Variants in NCALD observed in about 807,000 individuals in gnomAD.
The protein encoded by NCALD is neurocalcin delta, also known as neurocalcin-delta.
A neutral mutation model predicts 18.6 loss-of-function variants in NCALD; 10 were observed. The ratio of observed to expected loss-of-function variants is 0.54; its 90% confidence interval spans 0.33 to 0.91. NCALD has a LOEUF of 0.91. NCALD is among the 40% of genes least tolerant of loss of function. NCALD has a pLI of 0.03. For synonymous variants in NCALD, 88 were observed against 87.4 expected (o/e 1.01, Z -0.04); for missense variants, 184 against 247.6 (o/e 0.74, Z 1.72).
At chr8:101,940,467 A>T (rs1818914426) in intron 2 of NCALD, among the ~76,000 whole-genome samples, 1 of 152,224 alleles carries the variant, frequency 6.6e-6, no homozygotes, top group South Asian at 2.1e-4. Flanking sequence ...CCATCAACTG[A>T]TGACACCAAC....
intron 2 of NCALD, chr8:101,693,947 A>G (rs536791336): frequency 7.5e-4 from 114 of 152,328 alleles, no homozygotes; most frequent in African/African-American, 2.5e-3. Flanking sequence ...GGGTACAGCT[A>G]TGAGATCTGA....
intron 2 of NCALD, among the ~76,000 whole-genome samples, chr8:101,993,147 G>C (rs1821112762): frequency 6.9e-6 from 1 of 145,862 alleles, no homozygotes; most frequent in African/African-American, 2.6e-5. Flanking sequence ...TCACTCTACA[G>C]GAAAAAAAAA....
At chr8:102,074,159 A>C (rs183500179) in intron 1 of NCALD, among the ~76,000 whole-genome samples, 1 of 152,342 alleles carries the variant, frequency 6.6e-6, no homozygotes, top group East Asian at 1.9e-4. Flanking sequence ...GAAGTGGCAA[A>C]GGAGAAACAA....
At chr8:102,067,183 A>C (rs1824036384) in intron 1 of NCALD, among the ~76,000 whole-genome samples, 1 of 152,178 alleles carries the variant, frequency 6.6e-6, no homozygotes, top group Non-Finnish European at 1.5e-5. Context: ...TCCACCTGTT[A>C]TATGTGCAAA....
rs1479319220 is a variant in NCALD at position 101,689,445 on chromosome 8, A to G, written c.485-39T>C. ...GGACAGGTGAGTGGTGGCTGGTGGC[A>G]GCTGCATGAGCTTACACCCTTCCCA... On this transcript the variant is annotated intron_variant, in intron 3 of 3. Transcript: ENST00000220931. The surrounding 1 kb of genome is among the most constrained non-coding windows in gnomAD (Gnocchi z 4.4). 2 of 1,486,064 alleles carry G rather than the reference A, an allele frequency of 1.3e-6. No individual in the cohort carries two copies. Among genetic ancestry groups the G allele is most frequent in the Admixed American group, 3.8e-5 (2 of 52,300 alleles). 92.1% of individuals were successfully genotyped at this position (1,486,064 alleles called of 1,614,324 possible).
At chr8:102,040,428 T>C (rs6468810) in intron 1 of NCALD, among the ~76,000 whole-genome samples, 58,363 of 150,754 alleles carry the variant, frequency 0.39, 11,625 homozygotes, top group African/African-American at 0.43. Flanking sequence ...GAGCCAAGAT[T>C]GCTCCATGGC....
At chr8:102,050,358 T>C (rs960866493) in intron 1 of NCALD, among the ~76,000 whole-genome samples, 1 of 151,546 alleles carries the variant, frequency 6.6e-6, no homozygotes, top group Non-Finnish European at 1.5e-5. Context: ...GACATAGTCA[T>C]GTATTTATTT....
At chr8:101,710,186 T>A (rs1586267026) in intron 2 of NCALD, among the ~76,000 whole-genome samples, 1 of 152,184 alleles carries the variant, frequency 6.6e-6, no homozygotes, top group East Asian at 1.9e-4. Flanking sequence ...GGGAACTCCC[T>A]CCCCTAGCCA....
intron 2 of NCALD, among the ~76,000 whole-genome samples, chr8:101,703,311 C>A (rs1214032440): frequency 6.6e-6 from 1 of 152,184 alleles, no homozygotes. Context: ...ATTCAACAAA[C>A]ATTTGTGGAC....
intron 4 of NCALD, among the ~76,000 whole-genome samples, chr8:101,848,902 C>A (rs914188655): frequency 2.6e-5 from 4 of 152,156 alleles, no homozygotes; most frequent in African/African-American, 9.7e-5. Context: ...TATAAAGATA[C>A]ATGCACACGT....
At chr8:101,840,046 A>G (rs1814576936) in intron 4 of NCALD, among the ~76,000 whole-genome samples, 2 of 152,028 alleles carry the variant, frequency 1.3e-5, no homozygotes, top group African/African-American at 4.8e-5. Flanking sequence ...AAATATGTCC[A>G]TGTAATAAGG....
At chr8:101,780,494 A>G (rs906695108) in intron 1 of NCALD, among the ~76,000 whole-genome samples, 3 of 152,196 alleles carry the variant, frequency 2.0e-5, no homozygotes, top group Non-Finnish European at 2.9e-5. Context: ...GAGGAAGGAC[A>G]GGTTTATTTT....
chr8:101,890,637 A>G (rs512202), intron 3 of NCALD, among the ~76,000 whole-genome samples: 60,395 of 151,840 alleles, frequency 0.4, 15,441 homozygotes, highest in African/African-American at 0.72. Context: ...GCATTTATCC[A>G]CTCCTGAGAA....
At chr8:101,762,902 A>C (rs1411439258) in intron 1 of NCALD, among the ~76,000 whole-genome samples, 1 of 152,186 alleles carries the variant, frequency 6.6e-6, no homozygotes, top group Non-Finnish European at 1.5e-5. Context: ...AATGGACAAT[A>C]GATGCTCAAC....
intron 1 of NCALD, among the ~76,000 whole-genome samples, chr8:102,031,201 C>G (rs571629286): frequency 6.6e-6 from 1 of 152,102 alleles, no homozygotes; most frequent in African/African-American, 2.4e-5. Context: ...CGTAAGATTG[C>G]AATCAGCAAA....
chr8:101,711,318 A>G (rs1815780237), intron 2 of NCALD, among the ~76,000 whole-genome samples: 1 of 152,164 alleles, frequency 6.6e-6, no homozygotes, highest in Admixed American at 6.5e-5. Flanking sequence ...AAGAAAAACC[A>G]GTGCAAAAAG....
rs200225330 is a variant in NCALD at position 101,961,606 on chromosome 8, AT to A, written c.-156-45749del. ...GTGTCCATTTGCTAACTATACTTTTATTTTTTATTGACAGGGTGTCACTATG... is the reference window on the plus strand; with the variant it reads ...GTGTCCATTTGCTAACTATACTTTTATTTTTATTGACAGGGTGTCACTATG... On this transcript the variant is annotated intron_variant, in intron 2 of 6. Coordinates refer to the NCALD transcript ENST00000311028. Among the ~76,000 whole-genome samples the A allele has an allele frequency of 1.2e-3, 183 of 152,062 alleles. 4 individuals carry two copies. The East Asian group carries it at 0.025, about 21-fold the overall frequency.
intron 1 of NCALD, among the ~76,000 whole-genome samples, chr8:101,787,288 G>T (rs560687388): frequency 1.6e-4 from 24 of 152,244 alleles, no homozygotes; most frequent in Non-Finnish European, 3.1e-4. Flanking sequence ...AGCTCCCAAG[G>T]CAAGTGTTCT....
intron 2 of NCALD, among the ~76,000 whole-genome samples, chr8:101,966,173 G>T (rs1820020890): frequency 6.7e-6 from 1 of 149,938 alleles, no homozygotes; most frequent in South Asian, 2.1e-4. Flanking sequence ...TAACTCAATG[G>T]CAATCAAAGC....
Sources: gnomAD v4.1 joint callset for allele counts (sites outside exome capture counted in the v4.1 genomes callset) on GRCh38, gnomAD v4.1.1 for gene constraint, Gnocchi (gnomAD v3.1) non-coding constraint, MANE v1.5 for transcripts, NCBI Gene and HGNC (gene_info 2026-07-23, HGNC 2026-07-21) for gene names.